Variants in TMEM132D observed in about 807,000 individuals in gnomAD.
TMEM132D encodes transmembrane protein 132D.
In TMEM132D, 21 loss-of-function variants were observed where a neutral mutation model predicts 62.3. The ratio of observed to expected loss-of-function variants is 0.34; its 90% confidence interval spans 0.24 to 0.49. The LOEUF (loss-of-function observed/expected upper bound fraction) is 0.49, where lower values mean the gene tolerates loss of function less well. Ranked by LOEUF, TMEM132D falls within the 20% of genes least tolerant of loss-of-function variation. The probability of loss-of-function intolerance (pLI) is 0.99; values close to 1 mark genes in which losing one functional copy is unlikely to be tolerated. For synonymous variants in TMEM132D, 621 were observed against 575.6 expected (o/e 1.08, Z -1.13); for missense variants, 1,346 against 1,402.8 (o/e 0.96, Z 0.65).
chr12:129,793,416 G>A (rs987817491), intron 1 of TMEM132D, among the ~76,000 whole-genome samples: 11 of 152,172 alleles, frequency 7.2e-5, no homozygotes, highest in African/African-American at 2.7e-4. Flanking sequence ...CTGTCACCCA[G>A]GCTGGAGTGC....
chr12:129,662,415 G>A (rs1430273014), intron 2 of TMEM132D, among the ~76,000 whole-genome samples: 3 of 152,110 alleles, frequency 2.0e-5, no homozygotes, highest in African/African-American at 7.2e-5. Context: ...TACTCACCAC[G>A]GCTAATGACC....
At chr12:129,717,267 G>A (rs1565960219) in intron 1 of TMEM132D, among the ~76,000 whole-genome samples, 1 of 152,184 alleles carries the variant, frequency 6.6e-6, no homozygotes, top group East Asian at 1.9e-4. Flanking sequence ...GGTGTGTTCT[G>A]CTTCTTAAGT....
At chr12:129,817,790 TTGGGGGTGTG>T (rs1193108936) in intron 1 of TMEM132D, among the ~76,000 whole-genome samples, 1 of 95,350 alleles carries the variant, frequency 1.0e-5, no homozygotes, top group Non-Finnish European at 2.0e-5. Context: ...TGTCTGTGGT[TTGGGGGTGTG>T]TGGGGGGGTC....
At chr12:129,268,868 A>G (rs993748232) in intron 4 of TMEM132D, among the ~76,000 whole-genome samples, 1 of 152,080 alleles carries the variant, frequency 6.6e-6, no homozygotes, top group African/African-American at 2.4e-5. Context: ...TGTTCTTTGT[A>G]GGGACATGGA....
chr12:129,828,328 C>T (rs115707632), intron 1 of TMEM132D, among the ~76,000 whole-genome samples: 296 of 152,108 alleles, frequency 1.9e-3, no homozygotes, highest in African/African-American at 6.8e-3. Flanking sequence ...TAATAAAAGC[C>T]GCCTAATGTT....
intron 5 of TMEM132D, among the ~76,000 whole-genome samples, chr12:129,115,467 G>T (rs1212815620): frequency 6.6e-6 from 1 of 152,208 alleles, no homozygotes; most frequent in Non-Finnish European, 1.5e-5. Flanking sequence ...GCTTGTTCAG[G>T]TGCAGGCATC....
At chr12:129,751,601 A>G (rs182966165) in intron 1 of TMEM132D, among the ~76,000 whole-genome samples, 16 of 152,348 alleles carry the variant, frequency 1.1e-4, no homozygotes, top group Admixed American at 2.6e-4. Context: ...GTTAAAACAT[A>G]AAGATAACTT....
Position 129,354,315 on chromosome 12 carries a change from G to GTATATATA in TMEM132D, c.1116-16506_1116-16499dup, listed in dbSNP as rs35875993. ...TGATGCAAAAACTAAACTTTATTGG[G>GTATATATA]TATATATATATATATATACATATTT... On this transcript the variant is annotated intron_variant, in intron 3 of 8. Transcript: ENST00000422113. 6.9e-3 allele frequency among the ~76,000 whole-genome samples: 1,016 copies of GTATATATA among 148,014 alleles called. 16 individuals carry two copies. Among genetic ancestry groups the GTATATATA allele is most frequent in the African/African-American group, 0.021 (853 of 39,694 alleles).
At chr12:129,513,609 C>A (rs1428370265) in intron 3 of TMEM132D, among the ~76,000 whole-genome samples, 1 of 150,888 alleles carries the variant, frequency 6.6e-6, no homozygotes, top group Non-Finnish European at 1.5e-5. Context: ...CTCAGCCTCC[C>A]GAGTAGCTGG....
At chr12:129,862,512 T>C (rs1219517898) in intron 1 of TMEM132D, among the ~76,000 whole-genome samples, 1 of 152,210 alleles carries the variant, frequency 6.6e-6, no homozygotes, top group African/African-American at 2.4e-5. Flanking sequence ...TTTCCATCTG[T>C]GCTCTCTGAA....
At chr12:129,162,905 G>A (rs529297993) in intron 5 of TMEM132D, among the ~76,000 whole-genome samples, 3 of 152,280 alleles carry the variant, frequency 2.0e-5, no homozygotes, top group South Asian at 2.1e-4. Context: ...TCATTGTGCC[G>A]ACTTGCCAGG....
intron 5 of TMEM132D, among the ~76,000 whole-genome samples, chr12:129,143,483 G>T (rs928826109): frequency 6.6e-6 from 1 of 152,268 alleles, no homozygotes; most frequent in East Asian, 1.9e-4. Flanking sequence ...ATATGCGGCA[G>T]GACTGTCTCT....
At chr12:129,605,127 T>A (rs537909908) in intron 2 of TMEM132D, among the ~76,000 whole-genome samples, 2 of 152,314 alleles carry the variant, frequency 1.3e-5, no homozygotes, top group East Asian at 3.9e-4. Context: ...TTAAATGTTC[T>A]CATCATTGTT....
rs374117658 is a variant in TMEM132D at position 129,758,734 on chromosome 12, G to A, written c.80-58036C>T. 3.9e-4 allele frequency among the ~76,000 whole-genome samples: 60 copies of A among 152,224 alleles called. No homozygotes were observed. The South Asian group carries it at 0.011, about 28-fold the overall frequency. On this transcript the variant is annotated intron_variant, in intron 1 of 8. Coordinates refer to ENST00000422113, the MANE Select transcript of TMEM132D (RefSeq NM_133448.3). ...TTTCTAAAGGGCTCCAGAATTAGGA[G>A]TATTAAAATTTCAGTACCTTGGAAA...
intron 1 of TMEM132D, among the ~76,000 whole-genome samples, chr12:129,805,633 C>A (rs1169380740): frequency 6.6e-6 from 1 of 151,842 alleles, no homozygotes; most frequent in Non-Finnish European, 1.5e-5. Context: ...TAGGCATGGG[C>A]AAGGACTTCA....
chr12:129,448,860 T>G (rs1873183863), intron 3 of TMEM132D, among the ~76,000 whole-genome samples: 1 of 152,178 alleles, frequency 6.6e-6, no homozygotes. Context: ...TATTAGTAAT[T>G]TCTACACTAT....
intron 4 of TMEM132D, among the ~76,000 whole-genome samples, chr12:129,270,013 G>C (rs1174433290): frequency 6.6e-6 from 1 of 152,110 alleles, no homozygotes. Flanking sequence ...AAAATCAAGC[G>C]AGCCACTCGG....
At position 129,553,831 on chromosome 12, in the gene TMEM132D, C is replaced by A. The variant is rs115055122; in HGVS notation, c.969-22626G>T. Among the ~76,000 whole-genome samples the A allele has an allele frequency of 7.2e-3, 1,101 of 152,266 alleles. 12 individuals are homozygous for A. Among genetic ancestry groups the A allele is most frequent in the African/African-American group, 0.025 (1,055 of 41,560 alleles). On this transcript the variant is annotated intron_variant, in intron 2 of 8. Transcript: ENST00000422113. ...CATGATCACAGACACAACTCAGATTCTTTGCCCATGAGGATCCTCAACCCC... is the reference window on the plus strand; with the variant it reads ...CATGATCACAGACACAACTCAGATTATTTGCCCATGAGGATCCTCAACCCC...
intron 4 of TMEM132D, among the ~76,000 whole-genome samples, chr12:129,289,625 A>G (rs1195761207): frequency 6.6e-6 from 1 of 152,196 alleles, no homozygotes; most frequent in Non-Finnish European, 1.5e-5. Flanking sequence ...GCTTGCTGCA[A>G]TTGAAAAATC....
Sources: allele counts gnomAD v4.1 joint callset (sites outside exome capture counted in the v4.1 genomes callset), GRCh38; gene constraint gnomAD v4.1.1; transcripts MANE v1.5; gene names NCBI Gene and HGNC (gene_info 2026-07-23, HGNC 2026-07-21).